Variants in SEC11C observed in about 807,000 individuals in gnomAD.
SEC11C encodes SEC11 homolog C, signal peptidase complex subunit, also known as signal peptidase complex catalytic subunit SEC11C.
SEC11C carries 10 observed loss-of-function variants against 21.9 expected under a neutral mutation model. The observed-to-expected ratio is 0.46, with a 90% confidence interval of 0.28 to 0.77. The LOEUF (loss-of-function observed/expected upper bound fraction) is 0.77. Among genes scored for constraint, SEC11C ranks in the 30% least tolerant of loss-of-function variants. SEC11C has a pLI of 0.12. For synonymous variants in SEC11C, 83 were observed against 85.6 expected, an observed-to-expected ratio of 0.97 and a Z score of 0.17; for missense variants, 145 against 244.5, an observed-to-expected ratio of 0.59 and a Z score of 2.71.
chr18:59,148,979 C>T (rs1284895788), intron 1 of SEC11C, among the ~76,000 whole-genome samples: 1 of 152,216 alleles, frequency 6.6e-6, no homozygotes, highest in African/African-American at 2.4e-5. Context: ...AAATTTAAAC[C>T]TCCAGGTGTT....
intron 1 of SEC11C, among the ~76,000 whole-genome samples, chr18:59,145,814 C>G (rs534688934): frequency 5.7e-4 from 87 of 152,314 alleles, no homozygotes; most frequent in Middle Eastern, 6.8e-3. Flanking sequence ...TGTGCCTTTT[C>G]TATGTTTAGT....
Position 59,139,926 on chromosome 18 carries a change from G to A in SEC11C, c.-23G>A, listed in dbSNP as rs1392986404. 2.0e-6 allele frequency: 3 copies of A among 1,503,170 alleles called. No individual in the cohort carries two copies. The highest frequency in any genetic ancestry group is 1.3e-5 in the South Asian group (1 of 79,776). 93.1% of individuals were successfully genotyped at this position (1,503,170 alleles called of 1,614,324 possible). On this transcript the variant is annotated 5_prime_UTR_variant, in exon 1 of 6. Coordinates refer to ENST00000587834, the MANE Select transcript of SEC11C (RefSeq NM_033280.4). Reference sequence around the variant, plus strand: ...CTGTGCCACCCAGAGCCGGCGGGCCGCTAGGTCCCCGGAGACCCTGCTATG... The same window carrying A: ...CTGTGCCACCCAGAGCCGGCGGGCCACTAGGTCCCCGGAGACCCTGCTATG...
intron 5 of SEC11C, among the ~76,000 whole-genome samples, chr18:59,158,278 A>G (rs925950159): frequency 7.2e-5 from 11 of 151,830 alleles, no homozygotes; most frequent in Admixed American, 5.9e-4. Context: ...CTGGTCTCGA[A>G]CTCCTGACCT....
intron 2 of SEC11C, among the ~76,000 whole-genome samples, chr18:59,150,325 C>G (rs1213178570): frequency 6.6e-6 from 1 of 152,210 alleles, no homozygotes; most frequent in Non-Finnish European, 1.5e-5. Context: ...TCACAGCCTA[C>G]CAGTGCAGGA....
At chr18:59,141,205 A>G (rs11874688) in intron 1 of SEC11C, among the ~76,000 whole-genome samples, 31 of 151,952 alleles carry the variant, frequency 2.0e-4, no homozygotes, top group African/African-American at 6.8e-4. Context: ...GTAGTGTGGG[A>G]AAGTTTGATA....
chr18:59,140,026 C>G lies in SEC11C; in HGVS notation c.78C>G (p.Asn26Lys). 1 of 1,588,692 alleles carries G rather than the reference C, an allele frequency of 6.3e-7. No homozygotes were observed. The highest frequency in any genetic ancestry group is 2.3e-5 in the East Asian group (1 of 43,706). Residue 26 changes from asparagine to lysine, a missense_variant, in exon 1 of 6, where the codon AAC becomes AAG. Asn to Lys is a moderately conservative substitution (Grantham distance 94). Coordinates refer to ENST00000587834, the MANE Select transcript of SEC11C (RefSeq NM_033280.4). ...TCTTCGGGGACCTGAAGAAGATGAACAAGCGCCAGGTGACGGAGGAGGGTG... is the reference window on the plus strand; with the variant it reads ...TCTTCGGGGACCTGAAGAAGATGAAGAAGCGCCAGGTGACGGAGGAGGGTG... ...LDIFGDLKKM[N>K]KRQLYYQVLN...
intron 1 of SEC11C, among the ~76,000 whole-genome samples, chr18:59,148,743 A>C (rs2069310625): frequency 6.6e-6 from 1 of 151,520 alleles, no homozygotes; most frequent in Non-Finnish European, 1.5e-5. Flanking sequence ...GCTCCCAAGT[A>C]GCTGGGACTA....
intron 1 of SEC11C, chr18:59,147,083 T>C (rs2069285427): frequency 6.6e-6 from 1 of 152,216 alleles, no homozygotes; most frequent in South Asian, 2.1e-4. Flanking sequence ...TGTAAAGAAC[T>C]GTCCGGACAC....
At chr18:59,155,880 CTAA>C (rs1270340533) in intron 4 of SEC11C, 73 bp downstream of exon 4, 10 of 1,530,554 alleles carry the variant, frequency 6.5e-6, no homozygotes, top group South Asian at 2.3e-5. Context: ...AATCAATAGG[CTAA>C]TGAGTCGTTA....
chr18:59,143,863 T>TTTTCTTTTTTG (rs1568063539), intron 1 of SEC11C, among the ~76,000 whole-genome samples: 1 of 151,878 alleles, frequency 6.6e-6, no homozygotes, highest in Admixed American at 6.6e-5. Context: ...TTCTTTTTTT[T>TTTTCTTTTTTG]TTTTTTGAGA....
chr18:59,143,591 GAA>G (rs980561748), intron 1 of SEC11C, among the ~76,000 whole-genome samples: 1 of 152,040 alleles, frequency 6.6e-6, no homozygotes, highest in Admixed American at 6.6e-5. Flanking sequence ...TCAGAATAGA[GAA>G]TAGTTTAAAG....
intron 5 of SEC11C, 143 bp from the exon 6 acceptor site, chr18:59,158,489 T>C: frequency 1.5e-6 from 1 of 666,720 alleles, no homozygotes; most frequent in Non-Finnish European, 2.6e-6. Flanking sequence ...GAACAGCTCA[T>C]TTAGAGAACA....
intron 1 of SEC11C, among the ~76,000 whole-genome samples, chr18:59,142,920 A>G (rs1008352206): frequency 1.3e-5 from 2 of 152,208 alleles, no homozygotes; most frequent in Non-Finnish European, 2.9e-5. Context: ...ATGGAACCAG[A>G]AGAAGCAATG....
rs149423263 is a variant in SEC11C at position 59,147,243 on chromosome 18, A to G, written c.88-2270A>G. The G allele has an allele frequency of 4.6e-5, 7 of 152,308 alleles. No homozygotes were observed. In the East Asian group the frequency reaches 9.6e-4, roughly 21 times the overall value. The allele number at this position is 152,308 out of a possible 1,614,324, so 9.4% of individuals were successfully genotyped here. ...TATTTTAAGTTGTACTCAATGCTCA[A>G]AAAGAGTTCATACCACCACATTCCA... is the stretch of plus-strand genomic sequence containing the variant. On this transcript the variant is annotated intron_variant, in intron 1 of 5. Coordinates refer to ENST00000587834, the MANE Select transcript of SEC11C (RefSeq NM_033280.4).
At chr18:59,154,859 A>C (rs2069401692) in intron 3 of SEC11C, among the ~76,000 whole-genome samples, 1 of 152,194 alleles carries the variant, frequency 6.6e-6, no homozygotes, top group African/African-American at 2.4e-5. Flanking sequence ...TGAGGTCAGG[A>C]GTTCTAGACC....
At position 59,158,771 on chromosome 18, in the gene SEC11C, G is replaced by T; in HGVS notation, c.*86G>T. The stretch of plus-strand genomic sequence containing the variant: ...ATATATTTGAGATGTTCCATTTTCT[G>T]TATAAAAGGGAACAGTGTGGAGATG... On this transcript the variant is annotated 3_prime_UTR_variant, in exon 6 of 6. Transcript: ENST00000587834. 1 of 1,117,320 alleles carries T rather than the reference G, an allele frequency of 8.9e-7. No individual in the cohort carries two copies. The allele number at this position is 1,117,320 out of a possible 1,614,324, so 69.2% of individuals were successfully genotyped here.
At chr18:59,144,400 GT>G (rs1463678580) in intron 1 of SEC11C, among the ~76,000 whole-genome samples, 2 of 152,242 alleles carry the variant, frequency 1.3e-5, no homozygotes, top group Admixed American at 1.3e-4. Context: ...CTAAGTATTA[GT>G]ATTAACAACA....
intron 1 of SEC11C, among the ~76,000 whole-genome samples, chr18:59,142,073 C>T (rs1394556327): frequency 6.6e-6 from 1 of 152,006 alleles, no homozygotes; most frequent in African/African-American, 2.4e-5. Context: ...TTTTTCCAGA[C>T]CGCAGTCAGC....
At chr18:59,150,817 C>T (rs1192960194) in intron 2 of SEC11C, among the ~76,000 whole-genome samples, 5 of 152,080 alleles carry the variant, frequency 3.3e-5, no homozygotes, top group African/African-American at 1.2e-4. Context: ...AGATAAGAAA[C>T]CTGAGGCCCA....
Sources: gnomAD v4.1 joint callset for allele counts (sites outside exome capture counted in the v4.1 genomes callset) on GRCh38, gnomAD v4.1.1 for gene constraint, MANE v1.5 for transcripts, NCBI Gene and HGNC (gene_info 2026-07-23, HGNC 2026-07-21) for gene names.